ZNFX1: variants seen among roughly 807,000 people sequenced by gnomAD.
ZNFX1 encodes NFX1-type zinc finger-containing protein 1.
In ZNFX1, 78 loss-of-function variants were observed where a neutral mutation model predicts 179.8. The ratio of observed to expected loss-of-function variants is 0.43; its 90% CI spans 0.36 to 0.52. ZNFX1 has a LOEUF of 0.52. ZNFX1 is among the 20% of genes least tolerant of loss of function. The pLI, the probability that ZNFX1 is intolerant of heterozygous loss-of-function variation, is 0.00. For missense variants in ZNFX1, 1,927 were observed against 2,386.6 expected (o/e 0.81, Z 4.01); for synonymous variants, 848 against 868.5 (o/e 0.98, Z 0.42).
chr20:49,254,711 C>G, intron 9 of ZNFX1, 62 bp from the exon 10 acceptor site: 4 of 1,575,978 alleles, frequency 2.5e-6, no homozygotes, highest in Non-Finnish European at 3.5e-6. Flanking sequence ...TGGAAGAACG[C>G]CCTTCAGTGT....
At position 49,260,511 on chromosome 20, in the gene ZNFX1, C is replaced by T. The variant is rs1446899130; in HGVS notation, c.2368G>A (p.Val790Ile). The change falls in exon 7 of 14, where the codon GTC (valine) becomes ATC (isoleucine). Residue 790 changes from valine (V) to isoleucine (I), a missense_variant. Physicochemically the swap from Val to Ile is conservative, Grantham distance 29. Coordinates refer to ENST00000396105, the MANE Select transcript of ZNFX1 (RefSeq NM_021035.3). Reference protein sequence around the residue: ...SMMLEWLGLGVGSFTQSVSPA... With the variant: ...SMMLEWLGLGIGSFTQSVSPA... ...GAAACACTTTGCGTGAAAGAACCGACACCAAGACCTAGCCACTCCAGCATC... is the reference window on the plus strand; with the variant it reads ...GAAACACTTTGCGTGAAAGAACCGATACCAAGACCTAGCCACTCCAGCATC... The T allele has an allele frequency of 6.2e-7, 1 of 1,613,488 alleles. No individual in the cohort carries two copies. Among genetic ancestry groups the T allele is most frequent in the East Asian group, 2.2e-5 (1 of 44,880 alleles).
In ZNFX1 at chr20:49,248,660, CCTTCGAAGCAG is replaced by C. The variant is rs1392196019; in HGVS notation, c.4353_4363del (p.Ser1451ArgfsTer5). On this transcript the variant is annotated frameshift_variant, in exon 14 of 14. Transcript: ENST00000396105. LOFTEE classifies it high-confidence loss of function. This position sits in a 1 kb window ranked among gnomAD's most constrained non-coding sequence, Gnocchi z 4.6. ...CTGCTGACAGCGTTCATGGAAACGCCCTTCGAAGCAGCTGTGGCAGGAGCCTGGGCAAGGAT... is the reference window on the plus strand; with the variant it reads ...CTGCTGACAGCGTTCATGGAAACGCCCTGTGGCAGGAGCCTGGGCAAGGAT... 1 of 1,613,438 alleles carries C rather than the reference CCTTCGAAGCAG, an allele frequency of 6.2e-7. No homozygotes were observed. The highest frequency in any genetic ancestry group is 8.5e-7 in the Non-Finnish European group (1 of 1,180,042).
chr20:49,263,293 G>A (rs1981157446), intron 6 of ZNFX1, 41 bp downstream of exon 6: 4 of 1,602,670 alleles, frequency 2.5e-6, no homozygotes, highest in Non-Finnish European at 3.4e-6. Context: ...TCAAAGTACT[G>A]AGGCCAGAGA....
chr20:49,248,700 C>T lies in ZNFX1; in HGVS notation c.4324G>A (p.Gly1442Arg), dbSNP rs373824905. The change falls in exon 14 of 14, where the codon GGG becomes AGG. Residue 1442 changes from glycine to arginine, a missense_variant. Gly to Arg is a moderately radical substitution (Grantham distance 125). Coordinates refer to ENST00000396105, the MANE Select transcript of ZNFX1 (RefSeq NM_021035.3). The surrounding 1 kb of genome is among the most constrained non-coding windows in gnomAD (Gnocchi z 4.6). ...TGGCAGGAGCCTGGGCAAGGATGCC[C>T]GCAGTCCAAGATAGTGCCACACTTT... is the stretch of plus-strand genomic sequence containing the variant. ...TTKCGTILDC[G>R]HPCPGSCHSC... 12 of 1,612,588 alleles carry T rather than the reference C, an allele frequency of 7.4e-6. No individual in the cohort carries two copies. Among genetic ancestry groups the T allele is most frequent in the Middle Eastern group, 3.3e-4 (2 of 6,062 alleles).
At position 49,247,421 on chromosome 20, in the gene ZNFX1, G is replaced by A. The variant is rs190461938; in HGVS notation, c.5603C>T (p.Thr1868Met). Residue 1868 changes from threonine (T) to methionine (M), a missense_variant, in exon 14 of 14, where the codon ACG becomes ATG. Transcript: ENST00000396105. ...AATCACTTCCTTACAGTCAGGACAC[G>A]TGCCCCTCTCCATGGCTCCCCCACA... ...GDCGGAMERG[T>M]CPDCKEVIGG... The A allele has an allele frequency of 9.0e-5, 145 of 1,614,130 alleles. No individual in the cohort carries two copies. The East Asian group carries it at 2.5e-3, about 28-fold the overall frequency.
chr20:49,259,600 T>C (rs927007809), intron 7 of ZNFX1, among the ~76,000 whole-genome samples: 5 of 152,000 alleles, frequency 3.3e-5, no homozygotes, highest in African/African-American at 7.2e-5. Flanking sequence ...CTTTTTCCTT[T>C]TTTTTTTTAG....
Position 49,249,138 on chromosome 20 carries a change from G to T in ZNFX1, c.3886C>A (p.Leu1296Met), listed in dbSNP as rs1980765013. The change falls in exon 14 of 14, where the codon CTG (leucine) becomes ATG (methionine). Residue 1296 changes from leucine (L) to methionine (M), a missense_variant. Leu to Met is a conservative substitution (Grantham distance 15, BLOSUM62 2). Coordinates refer to ENST00000396105, the MANE Select transcript of ZNFX1 (RefSeq NM_021035.3). ...CGGGTGCAGACATGCCCACAGCCCA[G>T]GCGGAACTCGCAGGGCAGGCTGCAG... is the stretch of plus-strand genomic sequence containing the variant. ...GGCSLPCEFR[L>M]GCGHVCTRAC... The T allele has an allele frequency of 6.2e-7, 1 of 1,614,230 alleles. No individual in the cohort carries two copies. The highest frequency in any genetic ancestry group is 8.5e-7 in the Non-Finnish European group (1 of 1,180,042).
chr20:49,247,675 G>A lies in ZNFX1; in HGVS notation c.5349C>T (p.Ser1783=). Residue 1783 remains serine (S), a synonymous_variant, in exon 14 of 14, where the codon AGC becomes AGT. Coordinates refer to ENST00000396105, the MANE Select transcript of ZNFX1 (RefSeq NM_021035.3). ...YKIAEKKVKD[S]IAVEVYSVQN... is the part of the protein sequence containing the mutation. Reference sequence around the variant, plus strand: ...GGACACTATAGACCTCTACTGCTATGCTATCTTTCACCTTCTTCTCTGCTA... The same window carrying A: ...GGACACTATAGACCTCTACTGCTATACTATCTTTCACCTTCTTCTCTGCTA... The A allele has an allele frequency of 1.2e-6, 2 of 1,614,192 alleles. No homozygotes were observed. Among genetic ancestry groups the A allele is most frequent in the Non-Finnish European group, 1.7e-6 (2 of 1,180,040 alleles).
chr20:49,265,495 T>A (rs1981213898), intron 4 of ZNFX1, among the ~76,000 whole-genome samples: 1 of 152,186 alleles, frequency 6.6e-6, no homozygotes, highest in South Asian at 2.1e-4. Context: ...GGGGTAGGGA[T>A]CTATTTTTAA....
At position 49,257,724 on chromosome 20, in the gene ZNFX1, T is replaced by C. The variant is rs183166712; in HGVS notation, c.2417-60A>G. On this transcript the variant is annotated intron_variant, in intron 7 of 13. Coordinates refer to ENST00000396105, the MANE Select transcript of ZNFX1 (RefSeq NM_021035.3). ...ACTCTTTTTTTTTTTTTTTTTGATA[T>C]GGAATCTCGCTCTTTTGCCCAGGGT... 1,436 of 1,507,542 alleles carry C rather than the reference T, an allele frequency of 9.5e-4. 24 individuals are homozygous for C. In the East Asian group the frequency reaches 0.025, roughly 26 times the overall value. 93.4% of individuals were successfully genotyped at this position (1,507,542 alleles called of 1,614,324 possible).
intron 2 of ZNFX1, 38 bp from the exon 3 acceptor site, chr20:49,271,788 AGTTCTGTTGGAAACCCAACAG>A: frequency 6.5e-7 from 1 of 1,548,800 alleles, no homozygotes; most frequent in Non-Finnish European, 8.7e-7. Flanking sequence ...ACAAGAACCA[AGTTCTGTTGGAAACCCAACAG>A]AACGACAATG....
rs745541805 is a variant in ZNFX1 at position 49,247,504 on chromosome 20, A to G, written c.5520T>C (p.Gly1840=). The change falls in exon 14 of 14, where the codon GGT becomes GGC. Residue 1840 remains glycine, a synonymous_variant. Transcript: ENST00000396105. ...EERVQIVSAI[G]YPRGHWFKCR... ...ACTTGAACCAGTGACCACGAGGATA[A>G]CCTATGGCACTGACAATCTGCACTC... 6.2e-7 allele frequency: 1 copy of G among 1,614,152 alleles called. No individual in the cohort carries two copies. Among genetic ancestry groups the G allele is most frequent in the South Asian group, 1.1e-5 (1 of 91,070 alleles).
At position 49,271,421 on chromosome 20, in the gene ZNFX1, G is replaced by C; in HGVS notation, c.391C>G (p.His131Asp). The change falls in exon 3 of 14, where the codon CAC becomes GAC. Residue 131 changes from histidine (H) to aspartate (D), a missense_variant. Coordinates refer to ENST00000396105, the MANE Select transcript of ZNFX1 (RefSeq NM_021035.3). ...NDNFQQWRTP[H>D]QKPTEQPQQA... ...TGTGGCTGTTCTGTAGGCTTCTGGT[G>C]GGGAGTCCGCCACTGCTGGAAGTTG... 3 of 1,614,120 alleles carry C rather than the reference G, an allele frequency of 1.9e-6. No homozygotes were observed. The highest frequency in any genetic ancestry group is 2.5e-6 in the Non-Finnish European group (3 of 1,180,026).
In ZNFX1 at chr20:49,248,458, C is replaced by T. The variant is rs1980736643; in HGVS notation, c.4566G>A (p.Gln1522=). 1.2e-6 allele frequency: 2 copies of T among 1,610,620 alleles called. No homozygotes were observed. Among genetic ancestry groups the T allele is most frequent in the Admixed American group, 1.7e-5 (1 of 59,820 alleles). Reference sequence around the variant, plus strand: ...AGGGCTCAGAGCAGAGTTTGGTGCACTGGTAGTGCTGGCAGCGCCAGACAC... The same window carrying T: ...AGGGCTCAGAGCAGAGTTTGGTGCATTGGTAGTGCTGGCAGCGCCAGACAC... ...EPCVWRCQHY[Q]CTKLCSEPCN... Residue 1522 remains glutamine (Q), a synonymous_variant, in exon 14 of 14, where the codon CAG becomes CAA. Coordinates refer to ENST00000396105, the MANE Select transcript of ZNFX1 (RefSeq NM_021035.3). The surrounding 1 kb of genome is among the most constrained non-coding windows in gnomAD (Gnocchi z 4.6).
chr20:49,271,757 A>T lies in ZNFX1; in HGVS notation c.62-7T>A. 2 of 1,592,354 alleles carry T rather than the reference A, an allele frequency of 1.3e-6. No individual in the cohort carries two copies. The highest frequency in any genetic ancestry group is 2.2e-5 in the East Asian group (1 of 44,520). On this transcript the variant is annotated splice_polypyrimidine_tract_variant and splice_region_variant and intron_variant, in intron 2 of 13. Coordinates refer to ENST00000396105, the MANE Select transcript of ZNFX1 (RefSeq NM_021035.3). ...AACTCTCCATCCACAGGGCCTAAACACAATGAAATATTGAGTAACCACAAG... is the reference window on the plus strand; with the variant it reads ...AACTCTCCATCCACAGGGCCTAAACTCAATGAAATATTGAGTAACCACAAG...
chr20:49,267,867 G>A (rs370383718), intron 3 of ZNFX1, among the ~76,000 whole-genome samples: 1 of 133,388 alleles, frequency 7.5e-6, no homozygotes, highest in Non-Finnish European at 1.6e-5. Flanking sequence ...TTCTTCATCC[G>A]TATAACAGTT....
At chr20:49,256,519 G>T (rs940340154) in intron 8 of ZNFX1, among the ~76,000 whole-genome samples, 33 of 152,316 alleles carry the variant, frequency 2.2e-4, no homozygotes, top group Admixed American at 2.0e-3. Flanking sequence ...GTGGTGGAAA[G>T]CACTGTTTAT....
At position 49,264,748 on chromosome 20, in the gene ZNFX1, G is replaced by C. The variant is rs368519331; in HGVS notation, c.2119C>G (p.Leu707Val). The C allele has an allele frequency of 2.5e-6, 4 of 1,614,038 alleles. No individual in the cohort carries two copies. In the African/African-American group the frequency reaches 5.3e-5, roughly 22 times the overall value. ...LRNKREFRRN[L>V]PMHLRRAYMS... ...TAGGCCCTTCGGAGGTGCATGGGGA[G>C]GTTGCGGCGGAATTCCCGCTTGTTC... The change falls in exon 5 of 14, where the codon CTC becomes GTC. Residue 707 changes from leucine (L) to valine (V), a missense_variant. Leu to Val is a conservative substitution (Grantham distance 32). Transcript: ENST00000396105.
chr20:49,266,951 CA>C (rs1981248799), intron 3 of ZNFX1, among the ~76,000 whole-genome samples: 1 of 152,144 alleles, frequency 6.6e-6, no homozygotes, highest in Admixed American at 6.6e-5. Flanking sequence ...GGCTGGAATG[CA>C]ATGGTGTGAT....
Sources: gnomAD v4.1 joint callset for allele counts (sites outside exome capture counted in the v4.1 genomes callset) on GRCh38, gnomAD v4.1.1 for gene constraint, Gnocchi (gnomAD v3.1) non-coding constraint, MANE v1.5 for transcripts, NCBI Gene and HGNC (gene_info 2026-07-23, HGNC 2026-07-21) for gene names.